SH3PXD2A: variants seen among roughly 807,000 people sequenced by gnomAD.
The protein encoded by SH3PXD2A is SH3 and PX domains 2A, also known as SH3 and PX domain-containing protein 2A.
SH3PXD2A carries 32 observed loss-of-function variants against 115.2 expected under a neutral mutation model. The observed-to-expected ratio is 0.28, with a 90% CI of 0.21 to 0.37. SH3PXD2A has a LOEUF of 0.37. Among genes scored for constraint, SH3PXD2A ranks in the 10% least tolerant of loss-of-function variants. The pLI, the probability that SH3PXD2A is intolerant of heterozygous loss-of-function variation, is 1.00. For synonymous variants in SH3PXD2A, 610 were observed against 629.1 expected (o/e 0.97, Z 0.45); for missense variants, 1,328 against 1,498.7 (o/e 0.89, Z 1.88).
intron 3 of SH3PXD2A, among the ~76,000 whole-genome samples, chr10:103,760,463 G>T (rs903866524): frequency 1.3e-5 from 2 of 152,114 alleles, no homozygotes; most frequent in Non-Finnish European, 2.9e-5. Context: ...TCAGCTACTT[G>T]GGAGGCTGAG....
At chr10:103,743,815 T>C (rs941716089) in intron 3 of SH3PXD2A, among the ~76,000 whole-genome samples, 12 of 152,374 alleles carry the variant, frequency 7.9e-5, no homozygotes, top group African/African-American at 2.9e-4. Flanking sequence ...TTAGTTTCTT[T>C]AAGATTTTCG....
At chr10:103,765,243 C>T (rs2038741962) in intron 3 of SH3PXD2A, among the ~76,000 whole-genome samples, 1 of 152,132 alleles carries the variant, frequency 6.6e-6, no homozygotes, top group Admixed American at 6.5e-5. Context: ...AAGCCTTTGC[C>T]CTGCGTTCCA....
At chr10:103,762,749 T>G (rs892134352) in intron 3 of SH3PXD2A, among the ~76,000 whole-genome samples, 1 of 152,226 alleles carries the variant, frequency 6.6e-6, no homozygotes, top group Non-Finnish European at 1.5e-5. Flanking sequence ...CTAGCCCTGA[T>G]GAAAACAATT....
intron 1 of SH3PXD2A, among the ~76,000 whole-genome samples, chr10:103,808,492 C>T (rs780423961): frequency 7.9e-5 from 12 of 152,044 alleles, no homozygotes; most frequent in Non-Finnish European, 1.8e-4. Context: ...CTCAAGTGAT[C>T]CGCCCACCTC....
intron 3 of SH3PXD2A, among the ~76,000 whole-genome samples, chr10:103,737,658 G>C (rs1227049117): frequency 6.6e-6 from 1 of 152,240 alleles, no homozygotes; most frequent in East Asian, 1.9e-4. Context: ...CCAACTCCCT[G>C]TTTGTCACTG....
rs572874656 is a variant in SH3PXD2A, at chr10:103,808,164, C to T, written c.73-6802G>A. ...CCCATGAGAGTGCCTACATCAAACGCCGGCCCAGAGCCCCATCTCCTCCCT... is the reference window on the plus strand; with the variant it reads ...CCCATGAGAGTGCCTACATCAAACGTCGGCCCAGAGCCCCATCTCCTCCCT... On this transcript the variant is annotated intron_variant, in intron 1 of 14. Coordinates refer to ENST00000369774, the MANE Select transcript of SH3PXD2A (RefSeq NM_001394015.1). 2.4e-4 allele frequency among the ~76,000 whole-genome samples: 37 copies of T among 152,280 alleles called. No individual in the cohort carries two copies. The East Asian group carries it at 6.9e-3, about 29-fold the overall frequency.
chr10:103,681,332 T>C (rs1456672396), intron 6 of SH3PXD2A, among the ~76,000 whole-genome samples: 1 of 152,058 alleles, frequency 6.6e-6, no homozygotes, highest in African/African-American at 2.4e-5. Flanking sequence ...CCAGGCATCA[T>C]CCAGGCACCA....
chr10:103,805,933 T>C (rs927466921), intron 1 of SH3PXD2A, among the ~76,000 whole-genome samples: 7 of 152,206 alleles, frequency 4.6e-5, no homozygotes, highest in Non-Finnish European at 1.0e-4. Context: ...ATACTAAAGA[T>C]ACACCCCGCT....
At chr10:103,717,840 G>A (rs1337997381) in intron 5 of SH3PXD2A, among the ~76,000 whole-genome samples, 1 of 152,116 alleles carries the variant, frequency 6.6e-6, no homozygotes, top group East Asian at 1.9e-4. Context: ...GGGGTGAGGG[G>A]CCTTGCCTGT....
intron 8 of SH3PXD2A, among the ~76,000 whole-genome samples, chr10:103,632,939 ACTCCAGC>A (rs1352753912): frequency 1.3e-5 from 2 of 151,982 alleles, no homozygotes. Flanking sequence ...ATGCCACTGC[ACTCCAGC>A]CTGGCGACAG....
intron 1 of SH3PXD2A, among the ~76,000 whole-genome samples, chr10:103,823,772 T>TGAGGGAGCTTGGTGAGCC (rs1231226602): frequency 2.0e-5 from 3 of 152,300 alleles, no homozygotes; most frequent in Non-Finnish European, 4.4e-5. Flanking sequence ...TTTGGAAAGC[T>TGAGGGAGCTTGGTGAGCC]GAGGGAGCTT....
chr10:103,711,382 C>T (rs1218440441), intron 5 of SH3PXD2A, among the ~76,000 whole-genome samples: 4 of 152,148 alleles, frequency 2.6e-5, no homozygotes, highest in African/African-American at 7.2e-5. Context: ...GTGGCCTTCC[C>T]ACTGACCTGG....
intron 3 of SH3PXD2A, among the ~76,000 whole-genome samples, chr10:103,763,869 T>G (rs1218401646): frequency 6.6e-6 from 1 of 152,214 alleles, no homozygotes; most frequent in Non-Finnish European, 1.5e-5. Context: ...TGGAACAGTT[T>G]TGTGGTGCCA....
chr10:103,790,454 C>T (rs911315028), intron 2 of SH3PXD2A, among the ~76,000 whole-genome samples: 2 of 152,078 alleles, frequency 1.3e-5, no homozygotes, highest in African/African-American at 4.8e-5. Flanking sequence ...GCGCCCGGCC[C>T]AGAAAGAGGA....
intron 1 of SH3PXD2A, among the ~76,000 whole-genome samples, chr10:103,823,485 G>A (rs1410041050): frequency 6.6e-6 from 1 of 152,182 alleles, no homozygotes; most frequent in African/African-American, 2.4e-5. Context: ...AGGCACAGAG[G>A]GAGGCCACCC....
In SH3PXD2A at chr10:103,620,123, G is replaced by A. The variant is rs1297419463; in HGVS notation, c.802+2347C>T. 2.0e-5 allele frequency among the ~76,000 whole-genome samples: 3 copies of A among 152,200 alleles called. No individual in the cohort carries two copies. The highest frequency in any genetic ancestry group is 2.9e-5 in the Non-Finnish European group (2 of 68,036). ...CCAGACAGACGGACATGGCCTCAGCGGGCAGCTGCATGATTCAGGGTGGTC... is the reference window on the plus strand; with the variant it reads ...CCAGACAGACGGACATGGCCTCAGCAGGCAGCTGCATGATTCAGGGTGGTC... On this transcript the variant is annotated intron_variant, in intron 10 of 14. Transcript: ENST00000369774. The surrounding 1 kb of genome is among the most constrained non-coding windows in gnomAD (Gnocchi z 5.3).
Position 103,735,759 on chromosome 10 carries a change from T to C in SH3PXD2A, c.279A>G (p.Arg93=). 4 of 1,613,728 alleles carry C rather than the reference T, an allele frequency of 2.5e-6. No individual in the cohort carries two copies. The highest frequency in any genetic ancestry group is 3.4e-6 in the Non-Finnish European group (4 of 1,179,880). Residue 93 remains arginine (R), a synonymous_variant, in exon 4 of 15, where the codon AGA becomes AGG. Coordinates refer to ENST00000369774, the MANE Select transcript of SH3PXD2A (RefSeq NM_001394015.1). ...RSHIRDVAVK[R]LKPIDEYCRA... ...GGCAGTATTCATCGATGGGCTTCAG[T>C]CTCTTCACAGCTACGTCCCGGATGT... is the stretch of plus-strand genomic sequence containing the variant.
At position 103,825,920 on chromosome 10, in the gene SH3PXD2A, C is replaced by G. The variant is rs557858991; in HGVS notation, c.73-24558G>C. ...CTGGGACTACAGGCTCCCGCCACCA[C>G]GCCCGGCTAATTTTTTGTATTTTTA... On this transcript the variant is annotated intron_variant, in intron 1 of 14. Transcript: ENST00000369774. Among the ~76,000 whole-genome samples, 153 of 152,188 alleles carry G rather than the reference C, an allele frequency of 1.0e-3. 6 individuals are homozygous for G. The South Asian group carries it at 0.03, about 30-fold the overall frequency.
intron 1 of SH3PXD2A, among the ~76,000 whole-genome samples, chr10:103,804,138 C>T (rs2039174325): frequency 6.6e-6 from 1 of 152,000 alleles, no homozygotes; most frequent in South Asian, 2.1e-4. Context: ...CTTATCAGAT[C>T]TTAGGTCTGC....
Sources: allele counts gnomAD v4.1 joint callset (sites outside exome capture counted in the v4.1 genomes callset), GRCh38; gene constraint gnomAD v4.1.1; non-coding constraint Gnocchi (gnomAD v3.1); transcripts MANE v1.5; gene names NCBI Gene and HGNC (gene_info 2026-07-23, HGNC 2026-07-21).